LRRC69: variants seen among roughly 807,000 people sequenced by gnomAD.
LRRC69 encodes the protein leucine-rich repeat-containing protein 69.
In LRRC69, 42 loss-of-function variants were observed where a neutral mutation model predicts 37.8. The ratio of observed to expected loss-of-function variants is 1.11; its 90% confidence interval spans 0.87 to 1.44. The LOEUF (loss-of-function observed/expected upper bound fraction) is 1.44, where lower values mean the gene tolerates loss of function less well. Among genes scored for constraint, LRRC69 ranks in the 40% most tolerant of loss-of-function variants. The pLI, the probability that LRRC69 is intolerant of heterozygous loss-of-function variation, is 0.00. For synonymous variants in LRRC69, 141 were observed against 143.1 expected (o/e 0.99, Z 0.11); for missense variants, 357 against 401.9 (o/e 0.89, Z 0.96).
intron 5 of LRRC69, among the ~76,000 whole-genome samples, chr8:91,185,441 C>G (rs1364330621): frequency 6.6e-6 from 1 of 151,906 alleles, no homozygotes; most frequent in Non-Finnish European, 1.5e-5. Flanking sequence ...AGCCTCTTTT[C>G]TTCACCTCCC....
chr8:91,192,935 G>A (rs1175361925), intron 6 of LRRC69, among the ~76,000 whole-genome samples: 1 of 152,154 alleles, frequency 6.6e-6, no homozygotes, highest in Non-Finnish European at 1.5e-5. Context: ...CCTATGTCCT[G>A]AATGGTATTG....
chr8:91,209,141 A>G lies in LRRC69; in HGVS notation c.933+8349A>G, dbSNP rs539548432. ...GCAGGTTGCATCGATAAGAAGCCTG[A>G]TGGGGCCAGGCGTGGTGGCTCATGC... On this transcript the variant is annotated intron_variant, in intron 7 of 7. Transcript: ENST00000448384. Among the ~76,000 whole-genome samples, 10 of 152,236 alleles carry G rather than the reference A, an allele frequency of 6.6e-5. No individual in the cohort carries two copies. In the South Asian group the frequency reaches 1.5e-3, roughly 22 times the overall value.
rs1813649427 is a variant in LRRC69, at chr8:91,122,658, T to C, written c.184-1835T>C. Among the ~76,000 whole-genome samples, 2 of 152,064 alleles carry C rather than the reference T, an allele frequency of 1.3e-5. 1 individual carries two copies. Among genetic ancestry groups the C allele is most frequent in the Admixed American group, 1.3e-4 (2 of 15,230 alleles). On this transcript the variant is annotated intron_variant, in intron 1 of 7. Coordinates refer to ENST00000448384, the Ensembl canonical transcript of LRRC69. ...GGGTAAAATCTTGGACCTTTCACAA[T>C]GCCTGACACATTCTTGCGTATCTCG...
chr8:91,114,429 G>T (rs1400079701), intron 1 of LRRC69, among the ~76,000 whole-genome samples: 1 of 140,976 alleles, frequency 7.1e-6, no homozygotes, highest in Non-Finnish European at 1.5e-5. Context: ...AATGAATAAA[G>T]AAAATGTTTG....
intron 2 of LRRC69, among the ~76,000 whole-genome samples, chr8:91,125,780 G>A (rs957075791): frequency 2.0e-5 from 3 of 151,512 alleles, no homozygotes; most frequent in Non-Finnish European, 4.4e-5. Context: ...ATATATATCT[G>A]TATCTATATC....
chr8:91,180,765 G>T (rs565449067), intron 5 of LRRC69, among the ~76,000 whole-genome samples: 2 of 150,816 alleles, frequency 1.3e-5, no homozygotes, highest in South Asian at 4.2e-4. Flanking sequence ...GGGAATGAGG[G>T]TCTGGCATAG....
chr8:91,132,524 A>G lies in LRRC69; in HGVS notation c.384-586A>G, dbSNP rs80085600. 2.4e-3 allele frequency among the ~76,000 whole-genome samples: 366 copies of G among 152,146 alleles called. 4 individuals carry two copies. The highest frequency in any genetic ancestry group is 8.4e-3 in the African/African-American group (351 of 41,578). On this transcript the variant is annotated intron_variant, in intron 3 of 7. Coordinates refer to ENST00000448384, the Ensembl canonical transcript of LRRC69. ...GAAAAACTTGCAATATGCTTCAGGA[A>G]CCATATCTGCAATTACAGACTCAAA...
chr8:91,102,778 G>C lies in LRRC69; in HGVS notation c.117G>C (p.Leu39=), dbSNP rs759290429. Reference sequence around the variant, plus strand: ...CAGCATTAGGAAAACTGCCTGGCCTGAAGACTCTAGTCCTTCAGAATAACC... The same window carrying C: ...CAGCATTAGGAAAACTGCCTGGCCTCAAGACTCTAGTCCTTCAGAATAACC... The change falls in exon 1 of 8, where the codon CTG becomes CTC. Residue 39 remains leucine, a synonymous_variant. Coordinates refer to ENST00000448384, the Ensembl canonical transcript of LRRC69. 3 of 1,551,942 alleles carry C rather than the reference G, an allele frequency of 1.9e-6. No individual in the cohort carries two copies. In the South Asian group the frequency reaches 3.6e-5, roughly 18 times the overall value.
chr8:91,148,963 T>G (rs374002524), intron 5 of LRRC69, among the ~76,000 whole-genome samples: 1 of 151,680 alleles, frequency 6.6e-6, no homozygotes, highest in South Asian at 2.1e-4. Context: ...GTTTGAGTTC[T>G]TTGTAGATTC....
intron 1 of LRRC69, among the ~76,000 whole-genome samples, chr8:91,112,874 A>G (rs1161703312): frequency 1.3e-5 from 2 of 152,054 alleles, no homozygotes; most frequent in East Asian, 3.9e-4. Context: ...AATTCAGTCA[A>G]GTTGCAGGTT....
intron 5 of LRRC69, among the ~76,000 whole-genome samples, chr8:91,159,652 AG>A (rs1395181997): frequency 6.6e-6 from 1 of 151,226 alleles, no homozygotes; most frequent in Non-Finnish European, 1.5e-5. Flanking sequence ...ACAAGAAGAA[AG>A]TTAGCTTTGT....
exon 7 of LRRC69, chr8:91,200,791 A>G (rs1809699987): frequency 2.0e-6 from 3 of 1,528,908 alleles, no homozygotes; most frequent in Non-Finnish European, 2.6e-6. Flanking sequence ...CCTCCACCAA[A>G]GGTAAATGAT....
intron 7 of LRRC69, among the ~76,000 whole-genome samples, chr8:91,205,739 A>G (rs1328532617): frequency 2.0e-5 from 3 of 152,158 alleles, no homozygotes; most frequent in Non-Finnish European, 4.4e-5. Context: ...GTCTTACTAG[A>G]CATAACCATG....
chr8:91,147,364 A>G (rs1421952835), intron 5 of LRRC69, among the ~76,000 whole-genome samples: 2 of 150,022 alleles, frequency 1.3e-5, no homozygotes, highest in East Asian at 1.9e-4. Context: ...ACCTTTTTAT[A>G]TCCTTATATT....
At chr8:91,135,813 C>A in intron 5 of LRRC69, 74 bp downstream of exon 5, 1 of 739,832 alleles carries the variant, frequency 1.4e-6, no homozygotes, top group African/African-American at 1.9e-5. Context: ...AAAATATGGG[C>A]AGACAGTAAA....
rs762598568 is a variant in LRRC69 at position 91,109,769 on chromosome 8, C to G, written c.183+6925C>G. On this transcript the variant is annotated intron_variant, in intron 1 of 7. Transcript: ENST00000448384. Reference sequence around the variant, plus strand: ...TGAGATAACATGCTGGCCATGGAAACTTCCCCTCAATTTCTAGTGAAATTA... The same window carrying G: ...TGAGATAACATGCTGGCCATGGAAAGTTCCCCTCAATTTCTAGTGAAATTA... Among the ~76,000 whole-genome samples the G allele has an allele frequency of 2.0e-5, 3 of 152,032 alleles. No individual in the cohort carries two copies. In the East Asian group the frequency reaches 5.8e-4, roughly 29 times the overall value.
intron 6 of LRRC69, among the ~76,000 whole-genome samples, chr8:91,191,326 TA>T (rs1257165070): frequency 6.6e-6 from 1 of 152,208 alleles, no homozygotes; most frequent in East Asian, 1.9e-4. Flanking sequence ...TTTATTCCCT[TA>T]TAACTTATTT....
At chr8:91,132,474 C>A (rs181936326) in intron 3 of LRRC69, among the ~76,000 whole-genome samples, 7 of 152,096 alleles carry the variant, frequency 4.6e-5, no homozygotes, top group Admixed American at 4.6e-4. Context: ...TTATTCAGGG[C>A]CAAATTCAAA....
At chr8:91,151,512 A>C (rs1252970765) in intron 5 of LRRC69, among the ~76,000 whole-genome samples, 4 of 149,464 alleles carry the variant, frequency 2.7e-5, no homozygotes, top group African/African-American at 9.8e-5. Flanking sequence ...CCAACTATGT[A>C]TGTACCACAT....
Sources: allele counts gnomAD v4.1 joint callset (sites outside exome capture counted in the v4.1 genomes callset), GRCh38; gene constraint gnomAD v4.1.1; transcripts MANE v1.5; gene names NCBI Gene and HGNC (gene_info 2026-07-23, HGNC 2026-07-21).